DSE: variants seen among roughly 807,000 people sequenced by gnomAD.
The protein encoded by DSE is dermatan-sulfate epimerase.
In DSE, 36 loss-of-function variants were observed where a neutral mutation model predicts 84.4. That is an observed-to-expected ratio of 0.43 (90% confidence interval 0.33 to 0.56). The LOEUF (loss-of-function observed/expected upper bound fraction) is 0.56, where lower values mean the gene tolerates loss of function less well. DSE is among the 20% of genes least tolerant of loss of function. DSE has a pLI of 0.06. For synonymous variants in DSE, 410 were observed against 430.1 expected, an observed-to-expected ratio of 0.95 and a Z score of 0.58; for missense variants, 862 against 1,169.6, an observed-to-expected ratio of 0.74 and a Z score of 3.84.
chr6:116,430,225 G>A (rs995744458), intron 3 of DSE, among the ~76,000 whole-genome samples: 2 of 152,164 alleles, frequency 1.3e-5, no homozygotes, highest in Admixed American at 6.5e-5. Context: ...TTCAGATCCT[G>A]TGGAAAAGCA....
At chr6:116,370,564 C>G, upstream of DSE, 1 of 947,714 alleles carries the variant, frequency 1.1e-6, no homozygotes, top group African/African-American at 1.8e-5. Context: ...CAGCTCCTCC[C>G]CCTGGGCCTC....
intron 2 of DSE, among the ~76,000 whole-genome samples, chr6:116,260,830 C>T (rs995423694): frequency 6.6e-6 from 1 of 152,076 alleles, no homozygotes; most frequent in South Asian, 2.1e-4. Flanking sequence ...GTATTCTGTT[C>T]CATTGGTCTA....
intron 2 of DSE, among the ~76,000 whole-genome samples, chr6:116,353,168 T>G (rs1277168435): frequency 1.3e-5 from 2 of 152,192 alleles, no homozygotes; most frequent in South Asian, 2.1e-4. Context: ...TTTGTGTGTG[T>G]GGGTCTGTGT....
chr6:116,418,789 A>T (rs568188749), intron 2 of DSE, among the ~76,000 whole-genome samples: 27 of 152,288 alleles, frequency 1.8e-4, no homozygotes, highest in Non-Finnish European at 2.8e-4. Context: ...GATTCAGATA[A>T]TTCAGATAAT....
Position 116,443,250 on chromosome 6 carries a change from A to C in DSE, c.*5905A>C, listed in dbSNP as rs1278878860. The C allele has an allele frequency of 2.0e-5, 3 of 152,234 alleles. No homozygotes were observed. Among genetic ancestry groups the C allele is most frequent in the African/African-American group, 7.2e-5 (3 of 41,462 alleles). 9.4% of individuals were successfully genotyped at this position (152,234 alleles called of 1,614,324 possible). A position where few individuals can be genotyped will look rare whatever the true frequency, so the allele number is the denominator to read the frequency against. ...ATATTTTGTGGAAGTATTGATCAGA[A>C]AGATAATGAGTCAAGGATCCCTAAT... On this transcript the variant is annotated 3_prime_UTR_variant, in exon 6 of 6. Transcript: ENST00000644252.
At chr6:116,297,273 G>C (rs1016054353) in intron 2 of DSE, among the ~76,000 whole-genome samples, 1 of 152,002 alleles carries the variant, frequency 6.6e-6, no homozygotes, top group African/African-American at 2.4e-5. Flanking sequence ...GAACATTCCA[G>C]CTTCCTCTCC....
At chr6:116,319,231 TAGTC>T (rs1205545447) in intron 2 of DSE, among the ~76,000 whole-genome samples, 2 of 152,250 alleles carry the variant, frequency 1.3e-5, no homozygotes, top group African/African-American at 4.8e-5. Context: ...ACCCTTGTAT[TAGTC>T]AGAGTAGATA....
At chr6:116,346,778 G>C (rs950089398) in intron 2 of DSE, among the ~76,000 whole-genome samples, 1 of 152,082 alleles carries the variant, frequency 6.6e-6, no homozygotes, top group African/African-American at 2.4e-5. Context: ...AGGGCAATCA[G>C]GCAGGAGAAA....
chr6:116,418,092 C>G (rs1782833202), intron 2 of DSE, among the ~76,000 whole-genome samples: 1 of 152,088 alleles, frequency 6.6e-6, no homozygotes, highest in South Asian at 2.1e-4. Context: ...CACACATCTG[C>G]TAAGTGGCAA....
chr6:116,278,070 T>A, intron 2 of DSE: 1 of 184,132 alleles, frequency 5.4e-6, no homozygotes, highest in Non-Finnish European at 1.2e-5. Flanking sequence ...TTTTCTCCTC[T>A]GAGTTCATTA....
At chr6:116,410,527 A>G (rs1298612722) in intron 2 of DSE, among the ~76,000 whole-genome samples, 1 of 152,052 alleles carries the variant, frequency 6.6e-6, no homozygotes, top group Non-Finnish European at 1.5e-5. Flanking sequence ...AGGTCAGGAG[A>G]TCGAGACCAT....
At chr6:116,431,722 T>C (rs971421949) in intron 4 of DSE, among the ~76,000 whole-genome samples, 2 of 152,142 alleles carry the variant, frequency 1.3e-5, no homozygotes, top group African/African-American at 4.8e-5. Flanking sequence ...ACAAAAAAAG[T>C]GCTGTAAAAC....
chr6:116,420,807 C>A (rs1244535610), intron 2 of DSE, among the ~76,000 whole-genome samples: 1 of 152,136 alleles, frequency 6.6e-6, no homozygotes, highest in Non-Finnish European at 1.5e-5. Context: ...ACTTGCAGTT[C>A]AAATCTATAC....
chr6:116,384,276 G>A (rs1780437104), intron 1 of DSE, among the ~76,000 whole-genome samples: 1 of 152,124 alleles, frequency 6.6e-6, no homozygotes, highest in South Asian at 2.1e-4. Flanking sequence ...CATGCAAGAT[G>A]GGCCGAAAAT....
intron 2 of DSE, among the ~76,000 whole-genome samples, chr6:116,311,778 C>T (rs962987147): frequency 5.3e-5 from 8 of 152,132 alleles, no homozygotes; most frequent in Admixed American, 1.3e-4. Context: ...GAGAATGTTC[C>T]AAATGTTTAA....
intron 2 of DSE, among the ~76,000 whole-genome samples, chr6:116,357,022 C>T (rs1262120830): frequency 6.6e-6 from 1 of 152,046 alleles, no homozygotes; most frequent in Non-Finnish European, 1.5e-5. Context: ...TAAGTGAGGC[C>T]TTAGTATCTT....
intron 2 of DSE, among the ~76,000 whole-genome samples, chr6:116,330,593 T>G (rs1776878057): frequency 6.6e-6 from 1 of 152,204 alleles, no homozygotes; most frequent in Non-Finnish European, 1.5e-5. Context: ...GATGTTTTGA[T>G]TATTTTATTA....
intron 2 of DSE, among the ~76,000 whole-genome samples, chr6:116,352,872 G>A (rs1450542284): frequency 2.6e-5 from 4 of 152,112 alleles, no homozygotes; most frequent in Non-Finnish European, 4.4e-5. Flanking sequence ...TGCCCCACAC[G>A]TGAAGTCTTC....
chr6:116,350,154 A>G (rs991027801), intron 2 of DSE, among the ~76,000 whole-genome samples: 3 of 152,172 alleles, frequency 2.0e-5, no homozygotes, highest in African/African-American at 7.2e-5. Flanking sequence ...GCTTTTTTCT[A>G]TGTCAAAATG....
Sources: allele counts gnomAD v4.1 joint callset (sites outside exome capture counted in the v4.1 genomes callset), GRCh38; gene constraint gnomAD v4.1.1; transcripts MANE v1.5; gene names NCBI Gene and HGNC (gene_info 2026-07-23, HGNC 2026-07-21).